Variants in SEMA3E observed in about 807,000 individuals in gnomAD.
SEMA3E encodes semaphorin 3E.
Under a neutral mutation model 93.6 loss-of-function variants are expected in SEMA3E, and 49 were observed. The observed-to-expected ratio is 0.52, with a 90% CI of 0.42 to 0.66. SEMA3E has a LOEUF of 0.66. SEMA3E is among the 30% of genes least tolerant of loss of function. The pLI is 0.00. For missense variants in SEMA3E, 906 were observed against 964.8 expected, an observed-to-expected ratio of 0.94 and a Z score of 0.81; for synonymous variants, 363 against 330.7, an observed-to-expected ratio of 1.10 and a Z score of -1.06.
chr7:83,419,056 C>T (rs75995968), intron 4 of SEMA3E, among the ~76,000 whole-genome samples: 3,705 of 151,810 alleles, frequency 0.024, 153 homozygotes, highest in African/African-American at 0.084. Context: ...ACGTCTCATC[C>T]CCCTCCAGTG....
At chr7:83,393,365 C>T (rs1330336850) in intron 13 of SEMA3E, among the ~76,000 whole-genome samples, 1 of 152,016 alleles carries the variant, frequency 6.6e-6, no homozygotes, top group Non-Finnish European at 1.5e-5. Flanking sequence ...GAAACCCTGT[C>T]TCTACAAAAA....
At chr7:83,406,476 A>G (rs1248801249) in intron 7 of SEMA3E, among the ~76,000 whole-genome samples, 1 of 151,954 alleles carries the variant, frequency 6.6e-6, no homozygotes, top group African/African-American at 2.4e-5. Flanking sequence ...AGTTTGAAAT[A>G]CACACACAAC....
At chr7:83,580,827 G>T (rs1250381168) in intron 1 of SEMA3E, among the ~76,000 whole-genome samples, 2 of 151,670 alleles carry the variant, frequency 1.3e-5, no homozygotes, top group East Asian at 3.9e-4. Context: ...CAAATATAAG[G>T]CACTAAATGC....
chr7:83,368,131 T>C, intron 16 of SEMA3E, 93 bp from the exon 17 acceptor site: 2 of 1,135,396 alleles, frequency 1.8e-6, no homozygotes, highest in Non-Finnish European at 2.6e-6. Context: ...AATTTTTTCA[T>C]TTTCACTGTC....
chr7:83,412,969 C>T (rs1788471443), intron 5 of SEMA3E, among the ~76,000 whole-genome samples: 2 of 151,882 alleles, frequency 1.3e-5, no homozygotes, highest in African/African-American at 2.4e-5. Flanking sequence ...AGAATTTCAG[C>T]CCAAAGGACA....
chr7:83,476,060 G>A (rs1453040002), intron 2 of SEMA3E, among the ~76,000 whole-genome samples: 1 of 152,022 alleles, frequency 6.6e-6, no homozygotes, highest in Admixed American at 6.6e-5. Context: ...TCTCTTATTA[G>A]ACTATAAATT....
rs1024417970 is a variant in SEMA3E at position 83,648,309 on chromosome 7, G to A, written c.115+119C>T. 17 of 714,888 alleles carry A rather than the reference G, an allele frequency of 2.4e-5. No individual in the cohort carries two copies. The Admixed American group carries it at 2.7e-4, about 11-fold the overall frequency. 44.3% of individuals were successfully genotyped at this position (714,888 alleles called of 1,614,324 possible). A position where few individuals can be genotyped will look rare whatever the true frequency, so the allele number is the denominator to read the frequency against. On this transcript the variant is annotated intron_variant, in intron 1 of 16. Coordinates refer to ENST00000643230, the MANE Select transcript of SEMA3E (RefSeq NM_012431.3). The stretch of plus-strand genomic sequence containing the variant: ...GTCAGTTTTGCAATAAATTTTTCAG[G>A]TGCATTTTAAAGGTCTTTGAAGACC...
chr7:83,597,367 G>C (rs914895578), intron 1 of SEMA3E, among the ~76,000 whole-genome samples: 1 of 152,164 alleles, frequency 6.6e-6, no homozygotes, highest in Admixed American at 6.6e-5. Flanking sequence ...TTTGCTAAAT[G>C]AAATGTGTCT....
At position 83,413,328 on chromosome 7, in the gene SEMA3E, A is replaced by G. The variant is rs1441500565; in HGVS notation, c.551-4841T>C. 2.6e-5 allele frequency among the ~76,000 whole-genome samples: 4 copies of G among 152,206 alleles called. No individual in the cohort carries two copies. The South Asian group carries it at 6.2e-4, about 24-fold the overall frequency. On this transcript the variant is annotated intron_variant, in intron 5 of 16. Transcript: ENST00000643230. The stretch of plus-strand genomic sequence containing the variant: ...TTCTTATCTTGTTAAGTTTTACTCA[A>G]GCATTGCTTCTGTTTATGTTATAAA...
At chr7:83,565,390 T>C (rs181785944) in intron 1 of SEMA3E, among the ~76,000 whole-genome samples, 4 of 152,002 alleles carry the variant, frequency 2.6e-5, no homozygotes, top group Admixed American at 2.0e-4. Flanking sequence ...CCAGGGCCTA[T>C]TGAGGGATGG....
intron 2 of SEMA3E, among the ~76,000 whole-genome samples, chr7:83,469,567 A>G (rs1252947332): frequency 3.3e-5 from 5 of 152,018 alleles, no homozygotes; most frequent in Non-Finnish European, 7.4e-5. Flanking sequence ...TTCAGAGGAC[A>G]GCCATGCCTT....
In SEMA3E at chr7:83,588,275, G is replaced by A. The variant is rs149707907; in HGVS notation, c.115+60153C>T. The stretch of plus-strand genomic sequence containing the variant: ...CGGGCACCTGTAATCCCAGCTACTC[G>A]GAGGCTGAGGCAGGATAATTGCATG... On this transcript the variant is annotated intron_variant, in intron 1 of 16. Transcript: ENST00000643230. Among the ~76,000 whole-genome samples, 633 of 152,036 alleles carry A rather than the reference G, an allele frequency of 4.2e-3. 17 individuals are homozygous for A. Among genetic ancestry groups the A allele is most frequent in the Admixed American group, 0.036 (555 of 15,258 alleles).
chr7:83,462,032 G>A (rs952690046), intron 4 of SEMA3E: 12 of 152,192 alleles, frequency 7.9e-5, no homozygotes, highest in African/African-American at 2.4e-4. Flanking sequence ...ACTGAAAATC[G>A]GACTGTTCAA....
At chr7:83,643,354 GA>G (rs1167925658) in intron 1 of SEMA3E, among the ~76,000 whole-genome samples, 1 of 151,944 alleles carries the variant, frequency 6.6e-6, no homozygotes, top group African/African-American at 2.4e-5. Context: ...ATTATGTATA[GA>G]ATACTTCCCT....
chr7:83,390,487 C>T (rs527582880), intron 14 of SEMA3E, among the ~76,000 whole-genome samples: 1 of 152,068 alleles, frequency 6.6e-6, no homozygotes, highest in Non-Finnish European at 1.5e-5. Context: ...TCATTTTAAA[C>T]AAGTGGTTTG....
intron 1 of SEMA3E, among the ~76,000 whole-genome samples, chr7:83,617,630 T>G (rs1331112600): frequency 6.8e-6 from 1 of 146,504 alleles, no homozygotes; most frequent in African/African-American, 2.5e-5. Flanking sequence ...TATATAAATT[T>G]TATATAAATA....
intron 1 of SEMA3E, among the ~76,000 whole-genome samples, chr7:83,507,482 GAGAC>G (rs1325364643): frequency 6.6e-6 from 1 of 150,864 alleles, no homozygotes; most frequent in African/African-American, 2.4e-5. Flanking sequence ...GTGAAAGGGA[GAGAC>G]AGACAGAGAT....
chr7:83,507,837 G>A (rs1790736391), intron 1 of SEMA3E, among the ~76,000 whole-genome samples: 1 of 151,912 alleles, frequency 6.6e-6, no homozygotes, highest in Non-Finnish European at 1.5e-5. Flanking sequence ...TGTGGTCCTG[G>A]CTACTTGGGA....
intron 1 of SEMA3E, among the ~76,000 whole-genome samples, chr7:83,510,431 AT>A (rs1790793847): frequency 6.6e-6 from 1 of 152,142 alleles, no homozygotes; most frequent in African/African-American, 2.4e-5. Context: ...CATTTATATG[AT>A]TTTAACACAT....
Sources: allele counts gnomAD v4.1 joint callset (sites outside exome capture counted in the v4.1 genomes callset), GRCh38; gene constraint gnomAD v4.1.1; transcripts MANE v1.5; gene names NCBI Gene and HGNC (gene_info 2026-07-23, HGNC 2026-07-21).